The following CHST9 variants were observed in gnomAD, a reference collection of about 807,000 sequenced individuals.
CHST9 encodes the protein GalNAc-4-sulfotransferase 2.
CHST9 carries 41 observed loss-of-function variants against 44.4 expected under a neutral mutation model. The ratio of observed to expected loss-of-function variants is 0.92; its 90% CI spans 0.72 to 1.20. The LOEUF (loss-of-function observed/expected upper bound fraction) is 1.20. Among genes scored for constraint, CHST9 ranks in the 50% most tolerant of loss-of-function variants. CHST9 has a pLI of 0.00. For missense variants in CHST9, 504 were observed against 516.5 expected (o/e 0.98, Z 0.23); for synonymous variants, 171 against 178.4 (o/e 0.96, Z 0.33).
intron 4 of CHST9, among the ~76,000 whole-genome samples, chr18:26,945,475 C>T (rs1233842478): frequency 2.0e-5 from 3 of 152,304 alleles, no homozygotes; most frequent in East Asian, 1.9e-4. Context: ...CCATTTCTGT[C>T]GTTTTGTCAT....
intron 4 of CHST9, among the ~76,000 whole-genome samples, chr18:26,956,326 A>ATATATAT (rs1555671796): frequency 8.0e-6 from 1 of 125,718 alleles, no homozygotes; most frequent in African/African-American, 3.2e-5. Flanking sequence ...AAAAAAAAAA[A>ATATATAT]ATATATATAT....
chr18:26,966,969 C>T (rs912055328), intron 4 of CHST9, among the ~76,000 whole-genome samples: 6 of 150,934 alleles, frequency 4.0e-5, no homozygotes, highest in African/African-American at 1.2e-4. Flanking sequence ...GTAGATATCT[C>T]GGGTTGGCCT....
intron 2 of CHST9, among the ~76,000 whole-genome samples, chr18:27,056,643 C>G (rs1598681220): frequency 6.6e-6 from 1 of 152,280 alleles, no homozygotes; most frequent in East Asian, 1.9e-4. Flanking sequence ...AATGCTCTCA[C>G]CTTGGTGCCT....
At chr18:27,133,162 G>A (rs911371284) in intron 2 of CHST9, among the ~76,000 whole-genome samples, 2 of 152,082 alleles carry the variant, frequency 1.3e-5, no homozygotes, top group African/African-American at 4.8e-5. Flanking sequence ...ACTAATGAAG[G>A]GTTACATTGT....
intron 2 of CHST9, among the ~76,000 whole-genome samples, chr18:27,054,295 T>C (rs559047215): frequency 3.3e-5 from 5 of 152,314 alleles, no homozygotes; most frequent in Admixed American, 2.6e-4. Flanking sequence ...TTCAGAATAA[T>C]GAACACACAT....
intron 5 of CHST9, chr18:26,935,647 T>C (rs1400773015): frequency 6.6e-6 from 1 of 152,170 alleles, no homozygotes; most frequent in Non-Finnish European, 1.5e-5. Context: ...ATAAAAATAT[T>C]CCTTTTAATA....
At chr18:26,945,169 A>G (rs897062674) in intron 4 of CHST9, among the ~76,000 whole-genome samples, 1 of 152,198 alleles carries the variant, frequency 6.6e-6, no homozygotes, top group Non-Finnish European at 1.5e-5. Context: ...AGTGTGTTAC[A>G]AACATTTTAT....
At chr18:26,927,561 G>T (rs1408858245) in intron 5 of CHST9, among the ~76,000 whole-genome samples, 1 of 152,034 alleles carries the variant, frequency 6.6e-6, no homozygotes, top group Non-Finnish European at 1.5e-5. Flanking sequence ...ACAAGGTAAA[G>T]AAAAAGGTGC....
At chr18:27,067,534 A>T (rs2057795172) in intron 2 of CHST9, among the ~76,000 whole-genome samples, 1 of 152,200 alleles carries the variant, frequency 6.6e-6, no homozygotes, top group Non-Finnish European at 1.5e-5. Flanking sequence ...TGTCAATTTT[A>T]ATGGTGGGAT....
intron 4 of CHST9, among the ~76,000 whole-genome samples, chr18:27,016,654 G>C (rs2057158066): frequency 6.6e-6 from 1 of 152,198 alleles, no homozygotes; most frequent in Non-Finnish European, 1.5e-5. Flanking sequence ...AAAGGAAATA[G>C]TGTTAGAGCT....
At chr18:27,010,730 G>T (rs1211896130) in intron 4 of CHST9, among the ~76,000 whole-genome samples, 1 of 152,140 alleles carries the variant, frequency 6.6e-6, no homozygotes. Context: ...GTGTATTTTG[G>T]CATCAGCAGA....
chr18:27,023,257 T>A (rs1047082955), intron 4 of CHST9, among the ~76,000 whole-genome samples: 1 of 152,158 alleles, frequency 6.6e-6, no homozygotes, highest in Non-Finnish European at 1.5e-5. Context: ...CAGATATGCA[T>A]CCCAAAATTA....
chr18:27,096,834 C>T (rs1598721572), intron 2 of CHST9, among the ~76,000 whole-genome samples: 1 of 152,102 alleles, frequency 6.6e-6, no homozygotes, highest in African/African-American at 2.4e-5. Context: ...GGATTCTCAG[C>T]CAAATTCTAC....
chr18:26,958,301 C>A (rs1285725802), intron 4 of CHST9, among the ~76,000 whole-genome samples: 8 of 151,836 alleles, frequency 5.3e-5, no homozygotes, highest in Non-Finnish European at 1.2e-4. Flanking sequence ...ACTAAATTTG[C>A]TTATAGTTGT....
rs1598544848 is a variant in CHST9 at position 26,913,009 on chromosome 18, G to A, written c.*3250C>T. 6.6e-6 allele frequency: 1 copy of A among 152,230 alleles called. No individual in the cohort carries two copies. Among genetic ancestry groups the A allele is most frequent in the East Asian group, 1.9e-4 (1 of 5,170 alleles). The allele number at this position is 152,230 out of a possible 1,614,324, so 9.4% of individuals were successfully genotyped here. A position where few individuals can be genotyped will look rare whatever the true frequency, so the allele number is the denominator to read the frequency against. ...GCCTAGAGGCTGGGATGCCCTGAGAGGCCACATGAGAATGCACAGGAGGGA... is the reference window on the plus strand; with the variant it reads ...GCCTAGAGGCTGGGATGCCCTGAGAAGCCACATGAGAATGCACAGGAGGGA... On this transcript the variant is annotated 3_prime_UTR_variant, in exon 6 of 6. Transcript: ENST00000618847.
At chr18:27,011,985 T>C (rs546575142) in intron 4 of CHST9, among the ~76,000 whole-genome samples, 92 of 152,324 alleles carry the variant, frequency 6.0e-4, no homozygotes, top group African/African-American at 2.1e-3. Context: ...CCTCCTCTTT[T>C]GGTGCACAGG....
intron 1 of CHST9, among the ~76,000 whole-genome samples, chr18:27,177,570 T>C (rs539561947): frequency 1.3e-5 from 2 of 152,154 alleles, no homozygotes; most frequent in East Asian, 3.9e-4. Flanking sequence ...CGGTGTCATC[T>C]TATTTGGTTT....
chr18:27,000,990 C>T (rs1373407180), intron 4 of CHST9, among the ~76,000 whole-genome samples: 1 of 152,156 alleles, frequency 6.6e-6, no homozygotes, highest in Admixed American at 6.5e-5. Flanking sequence ...TTGCATACCC[C>T]TTGGGATATG....
intron 5 of CHST9, among the ~76,000 whole-genome samples, chr18:26,932,738 T>C (rs758994556): frequency 1.6e-4 from 24 of 152,248 alleles, no homozygotes; most frequent in Non-Finnish European, 3.1e-4. Context: ...TCAGTTGCAG[T>C]ATCTTCAACT....
Sources: gnomAD v4.1 joint callset for allele counts (sites outside exome capture counted in the v4.1 genomes callset) on GRCh38, gnomAD v4.1.1 for gene constraint, MANE v1.5 for transcripts, NCBI Gene and HGNC (gene_info 2026-07-23, HGNC 2026-07-21) for gene names.